Variants in CFAP299 observed in about 807,000 individuals in gnomAD.
CFAP299 encodes the protein cilia- and flagella-associated protein 299.
CFAP299 carries 21 observed loss-of-function variants against 27.0 expected under a neutral mutation model. That is an observed-to-expected ratio of 0.78 (90% CI 0.55 to 1.12). CFAP299 has a LOEUF of 1.12. Ranked by LOEUF, CFAP299 falls within the 50% of genes most tolerant of loss-of-function variation. CFAP299 has a pLI of 0.00. For missense variants in CFAP299, 310 were observed against 276.6 expected (o/e 1.12, Z -0.86); for synonymous variants, 104 against 98.1 (o/e 1.06, Z -0.36).
At chr4:80,528,578 AT>A (rs1490382980) in intron 2 of CFAP299, among the ~76,000 whole-genome samples, 1 of 152,142 alleles carries the variant, frequency 6.6e-6, no homozygotes, top group Non-Finnish European at 1.5e-5. Context: ...CCCACATTAT[AT>A]TGAAATGCTC....
chr4:80,394,864 C>A (rs1029434684), intron 2 of CFAP299, among the ~76,000 whole-genome samples: 6 of 151,984 alleles, frequency 3.9e-5, no homozygotes, highest in African/African-American at 1.5e-4. Context: ...GATGTGATAC[C>A]TCCAGCTTTG....
chr4:80,578,688 CTAGATATATT>C (rs1167554248), intron 2 of CFAP299, among the ~76,000 whole-genome samples: 7 of 152,014 alleles, frequency 4.6e-5, no homozygotes, highest in Non-Finnish European at 7.4e-5. Flanking sequence ...GCTATTGGGC[CTAGATATATT>C]TAGCACAGCA....
At chr4:80,574,920 C>CT (rs1175098971) in intron 2 of CFAP299, among the ~76,000 whole-genome samples, 3 of 151,782 alleles carry the variant, frequency 2.0e-5, no homozygotes, top group South Asian at 4.2e-4. Context: ...CTGTAGTTTT[C>CT]TTTTTTTGAT....
chr4:80,572,645 G>A lies in CFAP299; in HGVS notation c.243-10448G>A, dbSNP rs1012840209. ...TGATTATCCTGCTTCAGCCTCCCGA[G>A]TAGCTGGGATTACAGACATGCGTCA... On this transcript the variant is annotated intron_variant, in intron 2 of 5. Coordinates refer to ENST00000358105, the MANE Select transcript of CFAP299 (RefSeq NM_152770.3). Among the ~76,000 whole-genome samples the A allele has an allele frequency of 2.0e-5, 3 of 149,854 alleles. No individual in the cohort carries two copies. In the Admixed American group the frequency reaches 2.0e-4, roughly 10 times the overall value.
At chr4:80,471,108 G>C (rs766204752) in intron 2 of CFAP299, among the ~76,000 whole-genome samples, 2 of 152,082 alleles carry the variant, frequency 1.3e-5, no homozygotes, top group Non-Finnish European at 1.5e-5. Flanking sequence ...GACTTGAGAA[G>C]TTACATAAAT....
chr4:80,651,355 TTTC>T lies in CFAP299; in HGVS notation c.333+68184_333+68186del, dbSNP rs10648953. Among the ~76,000 whole-genome samples, 349 of 147,264 alleles carry T rather than the reference TTTC, an allele frequency of 2.4e-3. 1 individual carries two copies. The highest frequency in any genetic ancestry group is 8.3e-3 in the African/African-American group (318 of 38,456). On this transcript the variant is annotated intron_variant, in intron 3 of 5. Transcript: ENST00000358105. ...TCTTCTTCTCCTTCCTTCTTCTTTC[TTTC>T]TTCTTCTTCTTTTTTTTTTTTTGTT...
intron 3 of CFAP299, among the ~76,000 whole-genome samples, chr4:80,619,221 A>G (rs957224768): frequency 1.3e-5 from 2 of 151,946 alleles, no homozygotes; most frequent in Non-Finnish European, 2.9e-5. Context: ...TTTAAATTCA[A>G]ACTTTATTCT....
At chr4:80,412,334 G>A (rs1726763492) in intron 2 of CFAP299, among the ~76,000 whole-genome samples, 2 of 150,072 alleles carry the variant, frequency 1.3e-5, no homozygotes, top group Admixed American at 1.3e-4. Context: ...ATATACATGT[G>A]CATATTATAA....
intron 3 of CFAP299, among the ~76,000 whole-genome samples, chr4:80,709,397 T>A (rs1722009121): frequency 6.6e-6 from 1 of 152,124 alleles, no homozygotes; most frequent in Admixed American, 6.6e-5. Flanking sequence ...GGATTAAATA[T>A]CAGGGTTGTC....
intron 3 of CFAP299, among the ~76,000 whole-genome samples, chr4:80,827,094 C>T (rs917693532): frequency 6.6e-6 from 1 of 151,638 alleles, no homozygotes; most frequent in South Asian, 2.1e-4. Flanking sequence ...ATTAACAACC[C>T]AACATTATAA....
chr4:80,845,003 A>C (rs1162140017), intron 3 of CFAP299, among the ~76,000 whole-genome samples: 1 of 152,162 alleles, frequency 6.6e-6, no homozygotes, highest in South Asian at 2.1e-4. Flanking sequence ...ACCATTTATT[A>C]AATAGGGAAT....
rs117925630 is a variant in CFAP299, at chr4:80,719,164, G to A, written c.333+135981G>A. ...TTGAACGTGGAGGGTGGAAGGGAAA[G>A]GATCAGAAAAAATACTGTCAGATAC... On this transcript the variant is annotated intron_variant, in intron 3 of 5. Transcript: ENST00000358105. 5.4e-4 allele frequency among the ~76,000 whole-genome samples: 82 copies of A among 152,196 alleles called. No individual in the cohort carries two copies. In the East Asian group the frequency reaches 0.014, roughly 25 times the overall value.
At chr4:80,720,630 C>T in intron 3 of CFAP299, among the ~76,000 whole-genome samples, 1 of 151,834 alleles carries the variant, frequency 6.6e-6, no homozygotes, top group Middle Eastern at 3.4e-3. Flanking sequence ...TTAATCTTAC[C>T]ATGTCCAAGA....
intron 4 of CFAP299, among the ~76,000 whole-genome samples, chr4:80,917,099 G>A (rs1182413255): frequency 1.3e-5 from 2 of 152,156 alleles, no homozygotes; most frequent in Non-Finnish European, 2.9e-5. Flanking sequence ...AGGAGTCAGA[G>A]ATTGCTCCAA....
chr4:80,438,922 T>G (rs532021142), intron 2 of CFAP299, among the ~76,000 whole-genome samples: 1 of 152,354 alleles, frequency 6.6e-6, no homozygotes, highest in African/African-American at 2.4e-5. Context: ...TGGATTTATA[T>G]GTAGGTCTTT....
chr4:80,734,556 G>A (rs1723744367), intron 3 of CFAP299, among the ~76,000 whole-genome samples: 1 of 152,072 alleles, frequency 6.6e-6, no homozygotes, highest in African/African-American at 2.4e-5. Flanking sequence ...CAATGTCTTG[G>A]AGAGTTTCCC....
At chr4:80,336,290 A>G (rs151097145) in intron 1 of CFAP299, among the ~76,000 whole-genome samples, 1 of 152,282 alleles carries the variant, frequency 6.6e-6, no homozygotes, top group East Asian at 1.9e-4. Flanking sequence ...TGGTATATTA[A>G]AGAACAGAAG....
intron 2 of CFAP299, among the ~76,000 whole-genome samples, chr4:80,432,239 C>A (rs1727851291): frequency 6.6e-6 from 1 of 152,026 alleles, no homozygotes; most frequent in South Asian, 2.1e-4. Flanking sequence ...GCAACCTCCC[C>A]CTCCAGGGTT....
At chr4:80,857,835 A>G (rs1371116406) in intron 3 of CFAP299, among the ~76,000 whole-genome samples, 3 of 152,144 alleles carry the variant, frequency 2.0e-5, no homozygotes, top group Non-Finnish European at 4.4e-5. Flanking sequence ...TTTTTGCATC[A>G]ATGTTCATCA....
Sources: gnomAD v4.1 joint callset for allele counts (sites outside exome capture counted in the v4.1 genomes callset) on GRCh38, gnomAD v4.1.1 for gene constraint, MANE v1.5 for transcripts, NCBI Gene and HGNC (gene_info 2026-07-23, HGNC 2026-07-21) for gene names.